Variants in TTN observed in about 807,000 individuals in gnomAD.
The protein encoded by TTN is connectin.
A neutral mutation model predicts 3,223.0 loss-of-function variants in TTN; 1,525 were observed. The observed-to-expected ratio is 0.47, with a 90% CI of 0.45 to 0.49. The LOEUF (loss-of-function observed/expected upper bound fraction) is 0.49. Ranked by LOEUF, TTN falls within the 20% of genes least tolerant of loss-of-function variation. The pLI is 0.00. For synonymous variants in TTN, 14,094 were observed against 15,161.0 expected, an observed-to-expected ratio of 0.93 and a Z score of 5.17; for missense variants, 40,786 against 43,424.0, an observed-to-expected ratio of 0.94 and a Z score of 5.40.
chr2:178,663,924 T>C (rs1375593133), intron 169 of TTN, 22 bp from the exon 170 acceptor site: 1 of 1,613,030 alleles, frequency 6.2e-7, no homozygotes, highest in Admixed American at 1.7e-5. Context: ...TTAGTGAAAT[T>C]ACATTTAGGT....
At chr2:178,805,850 A>T (rs1286417716) in intron 1 of TTN, among the ~76,000 whole-genome samples, 2 of 152,174 alleles carry the variant, frequency 1.3e-5, no homozygotes, top group Non-Finnish European at 2.9e-5. Flanking sequence ...TTCAACATCA[A>T]AGAAACGAAT....
chr2:178,566,613 C>A lies in TTN; in HGVS notation c.79519G>T (p.Ala26507Ser). ...VDTTKNSITL[A>S]WGKPIYDGGS... ...CCATCATAGATGGGTTTACCCCAGG[C>A]AAGTGTGATTGAATTTTTAGTGGTG... Residue 26507 changes from alanine to serine, a missense_variant, in exon 326 of 363, where the codon GCC (alanine) becomes TCC (serine). Physicochemically the swap from Ala to Ser is moderately conservative, Grantham distance 99. Coordinates refer to ENST00000589042, the MANE Select transcript of TTN (RefSeq NM_001267550.2). 1.2e-6 allele frequency: 2 copies of A among 1,612,516 alleles called. No homozygotes were observed. The highest frequency in any genetic ancestry group is 1.7e-6 in the Non-Finnish European group (2 of 1,179,680).
At chr2:178,704,449 G>A (rs1355249795) in intron 105 of TTN, 42 bp from the exon 106 acceptor site, 8 of 1,601,760 alleles carry the variant, frequency 5.0e-6, no homozygotes, top group Admixed American at 3.4e-5. Context: ...AATATCACAC[G>A]CAGATGTGCT....
chr2:178,728,086 A>G (rs1321785903), intron 67 of TTN, 24 bp downstream of exon 67: 2 of 1,530,206 alleles, frequency 1.3e-6, no homozygotes, highest in Non-Finnish European at 1.8e-6. Context: ...AGGAAGAATC[A>G]AGAAGAGGTA....
Position 178,722,254 on chromosome 2 carries a change from C to T in TTN, c.22528+5G>A, listed in dbSNP as rs1489177471. 1 of 1,564,274 alleles carries T rather than the reference C, an allele frequency of 6.4e-7. No homozygotes were observed. The highest frequency in any genetic ancestry group is 8.6e-7 in the Non-Finnish European group (1 of 1,157,232). Reference sequence around the variant, plus strand: ...GCAAAGAAAAAGAGTGACGTGTGAACAAACCTCTTGCTGTGAGTCTAGCAC... The same window carrying T: ...GCAAAGAAAAAGAGTGACGTGTGAATAAACCTCTTGCTGTGAGTCTAGCAC... On this transcript the variant is annotated splice_donor_5th_base_variant and intron_variant, in intron 77 of 362. Coordinates refer to ENST00000589042, the MANE Select transcript of TTN (RefSeq NM_001267550.2).
Position 178,675,055 on chromosome 2 carries a change from T to C in TTN, c.34596A>G (p.Glu11532=), listed in dbSNP as rs2067738782. Residue 11532 remains glutamate (E), a synonymous_variant, in exon 150 of 363, where the codon GAA becomes GAG. Coordinates refer to ENST00000589042, the MANE Select transcript of TTN (RefSeq NM_001267550.2). ...GTTATCTACCTTCAACTGGTAGAAC[T>C]TCCTCTTCTTTAGGGAGAATGATTC... ...EKRIILPKEE[E]VLPVEVTEEP... is the part of the protein sequence containing the mutation. 1.9e-6 allele frequency: 3 copies of C among 1,542,746 alleles called. No individual in the cohort carries two copies. The highest frequency in any genetic ancestry group is 2.6e-6 in the Non-Finnish European group (3 of 1,151,808).
rs377045727 is a variant in TTN, at chr2:178,527,721, A to C, written c.107405T>G (p.Val35802Gly). The stretch of plus-strand genomic sequence containing the variant: ...TGTGTCACCACTTGTTCTCAATACT[A>C]CCTCTCTGGAAGGTTCTTCAACTAG... Reference protein sequence around the residue: ...LPLVEEPSREVVLRTSGDTSL... With the variant: ...LPLVEEPSREGVLRTSGDTSL... Residue 35802 changes from valine (V) to glycine (G), a missense_variant, in exon 362 of 363, where the codon GTA becomes GGA. Val to Gly is a moderately radical substitution (Grantham distance 109, BLOSUM62 -3). Transcript: ENST00000589042. 1 of 1,606,586 alleles carries C rather than the reference A, an allele frequency of 6.2e-7. No individual in the cohort carries two copies. The highest frequency in any genetic ancestry group is 1.3e-5 in the African/African-American group (1 of 74,768).
At chr2:178,673,796 A>G in intron 151 of TTN, 86 bp from the exon 152 acceptor site, 1 of 949,936 alleles carries the variant, frequency 1.1e-6, no homozygotes, top group Non-Finnish European at 1.6e-6. Flanking sequence ...ATATCACAAA[A>G]CATTGACTTA....
At position 178,635,819 on chromosome 2, in the gene TTN, C is replaced by A. The variant is rs140349406; in HGVS notation, c.41609-104G>T. On this transcript the variant is annotated intron_variant, in intron 226 of 362. Transcript: ENST00000589042. ...ATAGGAAAAATTTCACAATACTGGG[C>A]ATAATTAATCCACTGTAGGATATAT... is the stretch of plus-strand genomic sequence containing the variant. 736 of 1,507,848 alleles carry A rather than the reference C, an allele frequency of 4.9e-4. 8 individuals are homozygous for A. The African/African-American group carries it at 8.2e-3, about 17-fold the overall frequency. The allele number at this position is 1,507,848 out of a possible 1,614,324, so 93.4% of individuals were successfully genotyped here. A position where few individuals can be genotyped will look rare whatever the true frequency, so the allele number is the denominator to read the frequency against.
At chr2:178,649,415 G>T (rs2062556486) in intron 212 of TTN, 84 bp from the exon 213 acceptor site, 7 of 1,331,190 alleles carry the variant, frequency 5.3e-6, no homozygotes, top group Admixed American at 3.0e-5. Flanking sequence ...ATTTATTGGA[G>T]CAGCATTAAA....
intron 49 of TTN, 159 bp downstream of exon 49, chr2:178,737,923 A>G: frequency 1.4e-6 from 1 of 717,772 alleles, no homozygotes; most frequent in Non-Finnish European, 2.1e-6. Flanking sequence ...ATGATTTCTT[A>G]TCCCATATAG....
chr2:178,719,952 AT>A (rs773932489), intron 81 of TTN, 30 bp downstream of exon 81: 1 of 1,555,748 alleles, frequency 6.4e-7, no homozygotes, highest in Non-Finnish European at 8.7e-7. Context: ...AAGTAAATTG[AT>A]TTTTTCTCTG....
chr2:178,583,111 T>C lies in TTN; in HGVS notation c.65692A>G (p.Lys21898Glu), dbSNP rs775738687. Residue 21898 changes from lysine to glutamate, a missense_variant, in exon 313 of 363, where the codon AAA becomes GAA. Transcript: ENST00000589042. ...FGKPMPTVSW[K>E]KDGTLLKPAE... is the part of the protein sequence containing the mutation. ...GGTTTTAGCAGTGTGCCATCTTTTTTCCAAGAAACTGTTGGCATCGGTTTA... is the reference window on the plus strand; with the variant it reads ...GGTTTTAGCAGTGTGCCATCTTTTTCCCAAGAAACTGTTGGCATCGGTTTA... The C allele has an allele frequency of 1.2e-6, 2 of 1,611,840 alleles. No individual in the cohort carries two copies. Among genetic ancestry groups the C allele is most frequent in the Non-Finnish European group, 1.7e-6 (2 of 1,178,808 alleles).
At chr2:178,778,481 G>C (rs1376038622) in intron 24 of TTN, 1 of 309,156 alleles carries the variant, frequency 3.2e-6, no homozygotes. Context: ...TTTGAATGCT[G>C]GCACCACCGC....
intron 263 of TTN, 66 bp downstream of exon 263, chr2:178,613,685 A>G: frequency 6.7e-7 from 1 of 1,494,216 alleles, no homozygotes; most frequent in East Asian, 2.3e-5. Flanking sequence ...AATCCCAAGG[A>G]ATACTAAAGA....
rs1460605461 is a variant in TTN at position 178,607,117 on chromosome 2, C to T, written c.53485G>A (p.Glu17829Lys). The stretch of plus-strand genomic sequence containing the variant: ...ACACGGAACTTATATTCTTGTCCCT[C>T]AAGCAGACCTGTGATGTCACATTTA... ...RSKCDITGLL[E>K]GQEYKFRVIA... Residue 17829 changes from glutamate (E) to lysine (K), a missense_variant, in exon 278 of 363, where the codon GAG becomes AAG. Coordinates refer to ENST00000589042, the MANE Select transcript of TTN (RefSeq NM_001267550.2). 1 of 1,612,834 alleles carries T rather than the reference C, an allele frequency of 6.2e-7. No homozygotes were observed. The highest frequency in any genetic ancestry group is 8.5e-7 in the Non-Finnish European group (1 of 1,179,240).
rs1233088636 is a variant in TTN at position 178,793,520 on chromosome 2, T to A, written c.1420A>T (p.Thr474Ser). 6.2e-7 allele frequency: 1 copy of A among 1,614,010 alleles called. No homozygotes were observed. The highest frequency in any genetic ancestry group is 8.5e-7 in the Non-Finnish European group (1 of 1,180,010). Residue 474 changes from threonine (T) to serine (S), a missense_variant, in exon 9 of 363, where the codon ACT (threonine) becomes TCT (serine). Physicochemically the swap from Thr to Ser is moderately conservative, Grantham distance 58. Coordinates refer to ENST00000589042, the MANE Select transcript of TTN (RefSeq NM_001267550.2). Reference sequence around the variant, plus strand: ...GCCACTACTACCTTAGTTACAGCAGTCTTCTCCGCTTCCTTTCTTACCTGC... The same window carrying A: ...GCCACTACTACCTTAGTTACAGCAGACTTCTCCGCTTCCTTTCTTACCTGC... The part of the protein sequence containing the change: ...QEQVRKEAEK[T>S]AVTKVVVAAD...
rs2154300247 is a variant in TTN at position 178,719,762 on chromosome 2, A to G, written c.23730T>C (p.Cys7910=). 6.2e-7 allele frequency: 1 copy of G among 1,613,636 alleles called. No individual in the cohort carries two copies. The highest frequency in any genetic ancestry group is 8.5e-7 in the Non-Finnish European group (1 of 1,179,684). ...AGAGTTCTGGTGTTCCAGTCACTACACACTCTAATGCAAAAGGATTTCCAG... is the reference window on the plus strand; with the variant it reads ...AGAGTTCTGGTGTTCCAGTCACTACGCACTCTAATGCAAAAGGATTTCCAG... ...VTTGNPFALE[C]VVTGTPELSA... Residue 7910 remains cysteine, a synonymous_variant, in exon 82 of 363, where the codon TGT becomes TGC. Coordinates refer to ENST00000589042, the MANE Select transcript of TTN (RefSeq NM_001267550.2).
intron 282 of TTN, among the ~76,000 whole-genome samples, chr2:178,602,892 T>A (rs182148226): frequency 6.6e-6 from 1 of 151,992 alleles, no homozygotes; most frequent in Non-Finnish European, 1.5e-5. Flanking sequence ...ACTTTTGAGA[T>A]CCCTTTGAAG....
Sources: gnomAD v4.1 joint callset for allele counts (sites outside exome capture counted in the v4.1 genomes callset) on GRCh38, gnomAD v4.1.1 for gene constraint, MANE v1.5 for transcripts, NCBI Gene and HGNC (gene_info 2026-07-23, HGNC 2026-07-21) for gene names.